MARCHF8: variants seen among roughly 807,000 people sequenced by gnomAD.
MARCHF8 encodes E3 ubiquitin-protein ligase MARCHF8.
MARCHF8 carries 40 observed loss-of-function variants against 51.6 expected under a neutral mutation model. That is an observed-to-expected ratio of 0.77 (90% CI 0.60 to 1.01). The LOEUF (loss-of-function observed/expected upper bound fraction) is 1.01. Ranked by LOEUF, MARCHF8 falls within the 50% of genes least tolerant of loss-of-function variation. The probability of loss-of-function intolerance (pLI) is 0.00; values close to 1 mark genes in which losing one functional copy is unlikely to be tolerated. For missense variants in MARCHF8, 685 were observed against 708.6 expected (o/e 0.97, Z 0.38); for synonymous variants, 263 against 280.3 (o/e 0.94, Z 0.62).
chr10:45,534,485 T>G (rs747604408), intron 1 of MARCHF8, among the ~76,000 whole-genome samples: 1 of 152,208 alleles, frequency 6.6e-6, no homozygotes, highest in African/African-American at 2.4e-5. Context: ...AAATGTCTAA[T>G]AATTGAATTG....
chr10:45,511,740 C>T (rs1011452004), intron 2 of MARCHF8, among the ~76,000 whole-genome samples: 5 of 152,108 alleles, frequency 3.3e-5, no homozygotes, highest in African/African-American at 4.8e-5. Flanking sequence ...AGTGCAGTGG[C>T]GTGATCTCGG....
intron 2 of MARCHF8, among the ~76,000 whole-genome samples, chr10:45,526,353 C>T (rs573791201): frequency 8.1e-4 from 123 of 152,246 alleles, no homozygotes; most frequent in Admixed American, 1.6e-3. Flanking sequence ...TGAGAGACTC[C>T]CAGGGCTCCA....
chr10:45,492,448 C>A (rs547053593), intron 2 of MARCHF8, among the ~76,000 whole-genome samples: 1 of 152,204 alleles, frequency 6.6e-6, no homozygotes, highest in African/African-American at 2.4e-5. Context: ...CAGGCGCCCA[C>A]CACCATGTCC....
chr10:45,509,405 G>C (rs562912040), intron 2 of MARCHF8, among the ~76,000 whole-genome samples: 59 of 152,260 alleles, frequency 3.9e-4, no homozygotes, highest in South Asian at 1.0e-3. Context: ...ATACTGAAAT[G>C]AAACACTTGT....
chr10:45,462,712 G>A (rs1440470343), intron 5 of MARCHF8, among the ~76,000 whole-genome samples: 5 of 150,950 alleles, frequency 3.3e-5, no homozygotes, highest in South Asian at 2.1e-4. Flanking sequence ...TGCAACCTCC[G>A]CCTCCCGGGT....
chr10:45,537,713 T>C (rs1564508386), upstream of MARCHF8, among the ~76,000 whole-genome samples: 1 of 150,156 alleles, frequency 6.7e-6, no homozygotes, highest in Non-Finnish European at 1.5e-5. Context: ...AAGAACCATA[T>C]ATTACATGAT....
Position 45,455,493 on chromosome 10 carries a change from C to T in MARCHF8, c.*2746G>A, listed in dbSNP as rs1398456785. ...GGCCCTGAGACCTCATTCTGGGTTTCTATATGGGTCAACCAAATGCCATCC... is the reference window on the plus strand; with the variant it reads ...GGCCCTGAGACCTCATTCTGGGTTTTTATATGGGTCAACCAAATGCCATCC... On this transcript the variant is annotated 3_prime_UTR_variant, in exon 8 of 8. Transcript: ENST00000453424. 6.6e-6 allele frequency: 1 copy of T among 150,708 alleles called. No homozygotes were observed. The highest frequency in any genetic ancestry group is 1.5e-5 in the Non-Finnish European group (1 of 67,878). 9.3% of individuals were successfully genotyped at this position (150,708 alleles called of 1,614,324 possible).
chr10:45,531,699 T>C (rs2043888712), intron 2 of MARCHF8, among the ~76,000 whole-genome samples: 1 of 152,172 alleles, frequency 6.6e-6, no homozygotes, highest in African/African-American at 2.4e-5. Context: ...TCTGTAGAAG[T>C]TATGGGCTTC....
At chr10:45,499,361 T>C (rs984950490) in intron 2 of MARCHF8, among the ~76,000 whole-genome samples, 1 of 152,204 alleles carries the variant, frequency 6.6e-6, no homozygotes, top group South Asian at 2.1e-4. Flanking sequence ...ATATGATTTG[T>C]AAATATCTCC....
intron 3 of MARCHF8, among the ~76,000 whole-genome samples, chr10:45,467,412 C>T (rs560968614): frequency 2.0e-5 from 3 of 152,284 alleles, no homozygotes; most frequent in Admixed American, 6.5e-5. Flanking sequence ...CCTTCTGTCA[C>T]GATCTAAAGG....
chr10:45,508,333 T>TAAAACA (rs1554812993), intron 2 of MARCHF8, among the ~76,000 whole-genome samples: 2 of 94,914 alleles, frequency 2.1e-5, no homozygotes, highest in African/African-American at 7.9e-5. Context: ...TCTTTCACAG[T>TAAAACA]AAAAAAAAAA....
At chr10:45,579,395 A>G (rs770477920) in intron 1 of MARCHF8, among the ~76,000 whole-genome samples, 3 of 145,222 alleles carry the variant, frequency 2.1e-5, no homozygotes, top group Non-Finnish European at 4.6e-5. Flanking sequence ...TGACAGACAA[A>G]AAGTCACTAC....
At chr10:45,520,452 G>A (rs1589146700) in intron 2 of MARCHF8, among the ~76,000 whole-genome samples, 1 of 152,132 alleles carries the variant, frequency 6.6e-6, no homozygotes. Context: ...CTTTCATACT[G>A]GGGAAAAAAA....
chr10:45,578,064 A>G (rs938476329), intron 1 of MARCHF8, among the ~76,000 whole-genome samples: 3 of 152,234 alleles, frequency 2.0e-5, no homozygotes, highest in African/African-American at 4.8e-5. Context: ...GGATATACAT[A>G]TATCTATTTA....
chr10:45,507,621 C>T (rs904905526), intron 2 of MARCHF8, among the ~76,000 whole-genome samples: 1 of 152,026 alleles, frequency 6.6e-6, no homozygotes, highest in Non-Finnish European at 1.5e-5. Context: ...ATGAGGGATC[C>T]GCCTCTATGA....
chr10:45,479,813 A>G (rs976444239), intron 3 of MARCHF8, among the ~76,000 whole-genome samples: 1 of 152,220 alleles, frequency 6.6e-6, no homozygotes, highest in African/African-American at 2.4e-5. Flanking sequence ...AAACAGACCA[A>G]TACAGTAAAT....
chr10:45,491,184 T>C (rs1268619712), intron 2 of MARCHF8, among the ~76,000 whole-genome samples: 1 of 152,194 alleles, frequency 6.6e-6, no homozygotes, highest in African/African-American at 2.4e-5. Context: ...TGAGTCACCA[T>C]ACCTGACCTG....
intron 1 of MARCHF8, among the ~76,000 whole-genome samples, chr10:45,543,183 A>G (rs1364864128): frequency 5.9e-5 from 9 of 152,192 alleles, no homozygotes; most frequent in Non-Finnish European, 5.9e-5. Context: ...GACTTAAATG[A>G]CATAACACCG....
intron 3 of MARCHF8, among the ~76,000 whole-genome samples, chr10:45,469,862 C>A: frequency 5.9e-5 from 2 of 34,138 alleles, no homozygotes; most frequent in Admixed American, 5.3e-4. Flanking sequence ...GAGACTCCGT[C>A]TCAAAAAAAA....
Sources: allele counts gnomAD v4.1 joint callset (sites outside exome capture counted in the v4.1 genomes callset), GRCh38; gene constraint gnomAD v4.1.1; transcripts MANE v1.5; gene names NCBI Gene and HGNC (gene_info 2026-07-23, HGNC 2026-07-21).